The following CRADD variants were observed in gnomAD, a reference collection of about 807,000 sequenced individuals.
The protein encoded by CRADD is CARD and death domain containing adaptor protein.
CRADD carries 9 observed loss-of-function variants against 15.5 expected under a neutral mutation model. The observed-to-expected ratio is 0.58, with a 90% CI of 0.35 to 1.01. The LOEUF is 1.01. Ranked by LOEUF, CRADD falls within the 50% of genes least tolerant of loss-of-function variation. The pLI, the probability that CRADD is intolerant of heterozygous loss-of-function variation, is 0.02. For synonymous variants in CRADD, 118 were observed against 107.6 expected, an observed-to-expected ratio of 1.10 and a Z score of -0.60; for missense variants, 227 against 250.3, an observed-to-expected ratio of 0.91 and a Z score of 0.63.
At chr12:93,825,860 C>T (rs1263947292) in intron 2 of CRADD, among the ~76,000 whole-genome samples, 1 of 152,248 alleles carries the variant, frequency 6.6e-6, no homozygotes, top group Non-Finnish European at 1.5e-5. Flanking sequence ...ACATGGCCTC[C>T]TCCTTCCATC....
chr12:93,743,896 C>G (rs115704996), intron 2 of CRADD, among the ~76,000 whole-genome samples: 1,878 of 152,018 alleles, frequency 0.012, 57 homozygotes, highest in African/African-American at 0.043. Flanking sequence ...ATCCTGTTCT[C>G]TGTTATGGTA....
intron 2 of CRADD, among the ~76,000 whole-genome samples, chr12:93,840,818 C>T (rs1036607766): frequency 2.0e-5 from 3 of 152,026 alleles, no homozygotes; most frequent in South Asian, 2.1e-4. Context: ...CTGCCTGCCT[C>T]GGCCTCCCAA....
intron 2 of CRADD, among the ~76,000 whole-genome samples, chr12:93,716,288 TC>T (rs1956161880): frequency 6.6e-6 from 1 of 152,124 alleles, no homozygotes; most frequent in Admixed American, 6.6e-5. Context: ...TATACTCCCT[TC>T]CCCTGCAGAT....
At chr12:93,853,649 T>TTCTGAGATTTTATC (rs1958246984), downstream of CRADD, among the ~76,000 whole-genome samples, 1 of 152,252 alleles carries the variant, frequency 6.6e-6, no homozygotes, top group South Asian at 2.1e-4. Flanking sequence ...CTGGGCTTTA[T>TTCTGAGATTTTATC]TCTGAGATTT....
intron 2 of CRADD, among the ~76,000 whole-genome samples, chr12:93,860,216 G>A (rs1194196043): frequency 6.6e-6 from 1 of 151,916 alleles, no homozygotes; most frequent in Non-Finnish European, 1.5e-5. Flanking sequence ...TTCAATAAGA[G>A]GTACTTAAGC....
intron 2 of CRADD, chr12:93,738,704 C>A: frequency 2.4e-6 from 1 of 409,100 alleles, no homozygotes; most frequent in Non-Finnish European, 4.3e-6. Context: ...TAATGGAAAT[C>A]TTAACTTCAT....
intron 2 of CRADD, among the ~76,000 whole-genome samples, chr12:93,719,324 T>G (rs1036221822): frequency 4.6e-5 from 7 of 152,308 alleles, no homozygotes; most frequent in Middle Eastern, 6.8e-3. Flanking sequence ...GTATAATTCT[T>G]TTTATACATT....
intron 2 of CRADD, among the ~76,000 whole-genome samples, chr12:93,768,743 T>C (rs979523023): frequency 6.6e-6 from 1 of 152,176 alleles, no homozygotes; most frequent in Non-Finnish European, 1.5e-5. Flanking sequence ...TACAACTCAG[T>C]TTATGATCAC....
intron 2 of CRADD, among the ~76,000 whole-genome samples, chr12:93,687,582 G>A (rs148499879): frequency 2.0e-4 from 30 of 152,304 alleles, no homozygotes; most frequent in African/African-American, 6.0e-4. Flanking sequence ...AGCCGGGGTT[G>A]AGAACCTTGA....
intron 2 of CRADD, among the ~76,000 whole-genome samples, chr12:93,703,944 A>T (rs1371462454): frequency 6.8e-6 from 1 of 146,376 alleles, no homozygotes; most frequent in Non-Finnish European, 1.5e-5. Context: ...TTGATTTTTA[A>T]TGCTCACTTA....
At chr12:93,699,977 G>A (rs983913954) in intron 2 of CRADD, among the ~76,000 whole-genome samples, 8 of 152,128 alleles carry the variant, frequency 5.3e-5, no homozygotes, top group Non-Finnish European at 1.2e-4. Flanking sequence ...ATGAAGGAGC[G>A]ATCTCAGCGG....
At chr12:93,774,732 G>T (rs1046807930) in intron 2 of CRADD, among the ~76,000 whole-genome samples, 1 of 152,182 alleles carries the variant, frequency 6.6e-6, no homozygotes, top group Non-Finnish European at 1.5e-5. Flanking sequence ...ACTCACTCAT[G>T]TGTTTAAATA....
At chr12:93,870,964 G>T (rs1565944989) in intron 2 of CRADD, among the ~76,000 whole-genome samples, 1 of 152,190 alleles carries the variant, frequency 6.6e-6, no homozygotes, top group African/African-American at 2.4e-5. Context: ...TAAGCAAAAT[G>T]GGAGCACAGA....
At chr12:93,714,262 C>T (rs73218900) in intron 2 of CRADD, among the ~76,000 whole-genome samples, 423 of 152,256 alleles carry the variant, frequency 2.8e-3, no homozygotes, top group Admixed American at 5.8e-3. Context: ...AATGCCTTTC[C>T]AATCCTGAGA....
Position 93,678,862 on chromosome 12 carries a change from C to A in CRADD, c.88C>A (p.Leu30Ile), listed in dbSNP as rs770030259. 1 of 1,614,198 alleles carries A rather than the reference C, an allele frequency of 6.2e-7. No homozygotes were observed. The highest frequency in any genetic ancestry group is 1.3e-5 in the African/African-American group (1 of 75,056). ...VLVEGLVLQY[L>I]YQEGILTENH... ...GGTGGAGGGACTGGTTCTTCAGTACCTCTACCAGGAAGGAATCTTGACGGA... is the reference window on the plus strand; with the variant it reads ...GGTGGAGGGACTGGTTCTTCAGTACATCTACCAGGAAGGAATCTTGACGGA... The change falls in exon 2 of 3, where the codon CTC (leucine) becomes ATC (isoleucine). Residue 30 changes from leucine (L) to isoleucine (I), a missense_variant. By Grantham distance (5) the Leu-to-Ile change is conservative. Coordinates refer to ENST00000332896, the MANE Select transcript of CRADD (RefSeq NM_003805.5).
intron 2 of CRADD, among the ~76,000 whole-genome samples, chr12:93,822,865 A>C (rs1957783126): frequency 6.6e-6 from 1 of 152,226 alleles, no homozygotes; most frequent in Non-Finnish European, 1.5e-5. Flanking sequence ...AGATAAATCA[A>C]ATTTTTTCTT....
intron 2 of CRADD, among the ~76,000 whole-genome samples, chr12:93,827,637 T>G (rs187796052): frequency 6.6e-6 from 1 of 152,330 alleles, no homozygotes; most frequent in African/African-American, 2.4e-5. Flanking sequence ...TACCAAATCA[T>G]TTTCCAAAGT....
chr12:93,773,813 G>GCTTT (rs763799974), intron 2 of CRADD, among the ~76,000 whole-genome samples: 2 of 87,550 alleles, frequency 2.3e-5, no homozygotes, highest in Non-Finnish European at 4.1e-5. Context: ...TACTTTGTGA[G>GCTTT]TTTTTTTTTT....
At chr12:93,757,794 T>C (rs1013361119) in intron 2 of CRADD, among the ~76,000 whole-genome samples, 1 of 151,398 alleles carries the variant, frequency 6.6e-6, no homozygotes, top group African/African-American at 2.4e-5. Context: ...TGCAGGGGAG[T>C]GTCATCATCT....
Sources: allele counts gnomAD v4.1 joint callset (sites outside exome capture counted in the v4.1 genomes callset), GRCh38; gene constraint gnomAD v4.1.1; transcripts MANE v1.5; gene names NCBI Gene and HGNC (gene_info 2026-07-23, HGNC 2026-07-21).